DPYSL3: variants seen among roughly 807,000 people sequenced by gnomAD.
DPYSL3 encodes the protein dihydropyrimidinase like 3.
Under a neutral mutation model 66.1 loss-of-function variants are expected in DPYSL3, and 16 were observed. The observed-to-expected ratio is 0.24, with a 90% confidence interval of 0.16 to 0.37. The LOEUF (loss-of-function observed/expected upper bound fraction) is 0.37, where lower values mean the gene tolerates loss of function less well. Among genes scored for constraint, DPYSL3 ranks in the 10% least tolerant of loss-of-function variants. The pLI is 1.00. For synonymous variants in DPYSL3, 338 were observed against 345.1 expected (o/e 0.98, Z 0.23); for missense variants, 738 against 916.2 (o/e 0.81, Z 2.51).
At chr5:147,481,556 G>C (rs754464534) in intron 1 of DPYSL3, among the ~76,000 whole-genome samples, 1 of 152,226 alleles carries the variant, frequency 6.6e-6, no homozygotes. Flanking sequence ...CAAAAGGCTT[G>C]CTGTGGTTTG....
At chr5:147,505,022 G>C (rs375043681) in intron 1 of DPYSL3, among the ~76,000 whole-genome samples, 12 of 152,266 alleles carry the variant, frequency 7.9e-5, no homozygotes, top group African/African-American at 2.6e-4. Flanking sequence ...ACTTAGAATT[G>C]CTTTTCTATG....
intron 8 of DPYSL3, among the ~76,000 whole-genome samples, chr5:147,402,899 G>T (rs1293024233): frequency 2.0e-5 from 3 of 152,150 alleles, no homozygotes; most frequent in Admixed American, 6.5e-5. Context: ...TAGGTGGTTG[G>T]TACCAAGTTT....
intron 12 of DPYSL3, among the ~76,000 whole-genome samples, chr5:147,396,882 TATAG>T (rs1561769969): frequency 7.3e-6 from 1 of 137,224 alleles, no homozygotes; most frequent in South Asian, 2.4e-4. Context: ...TATATATATA[TATAG>T]TGTGTGTATA....
chr5:147,440,494 C>T (rs1416586162), intron 1 of DPYSL3, among the ~76,000 whole-genome samples: 1 of 152,196 alleles, frequency 6.6e-6, no homozygotes, highest in Non-Finnish European at 1.5e-5. Flanking sequence ...TTAGCAAATG[C>T]AACCTAGTGA....
chr5:147,403,068 T>C (rs1228881658), intron 8 of DPYSL3, among the ~76,000 whole-genome samples: 1 of 152,182 alleles, frequency 6.6e-6, no homozygotes, highest in East Asian at 1.9e-4. Flanking sequence ...CAACTGGTAA[T>C]AGTTGCCTAG....
intron 13 of DPYSL3, among the ~76,000 whole-genome samples, chr5:147,394,331 C>T (rs1331211081): frequency 6.6e-6 from 1 of 152,158 alleles, no homozygotes; most frequent in African/African-American, 2.4e-5. Context: ...TAGGAAAAGC[C>T]AAGTTCTTAT....
chr5:147,487,599 A>C (rs1327436024), intron 1 of DPYSL3, among the ~76,000 whole-genome samples: 8 of 152,204 alleles, frequency 5.3e-5, no homozygotes, highest in Admixed American at 5.2e-4. Context: ...TTTGTTTTAA[A>C]TAAAGTTTTA....
chr5:147,498,750 A>C (rs1029960745), intron 1 of DPYSL3, among the ~76,000 whole-genome samples: 1 of 151,794 alleles, frequency 6.6e-6, no homozygotes, highest in Non-Finnish European at 1.5e-5. Context: ...TTGAAAGTGT[A>C]ATAGACATGA....
intron 1 of DPYSL3, among the ~76,000 whole-genome samples, chr5:147,439,820 A>G (rs1474758438): frequency 6.6e-6 from 1 of 152,182 alleles, no homozygotes; most frequent in Non-Finnish European, 1.5e-5. Context: ...CTGGGACTCG[A>G]TCCCAGTATC....
At position 147,505,328 on chromosome 5, in the gene DPYSL3, G is replaced by A. The variant is rs140579786; in HGVS notation, c.381+4150C>T. ...TGGCTCACTGCAACCTCCACCTCCC[G>A]GGTTCAAGCGATTCTCCTGCCTCAG... is the stretch of plus-strand genomic sequence containing the variant. On this transcript the variant is annotated intron_variant, in intron 1 of 13. Transcript: ENST00000343218. Among the ~76,000 whole-genome samples, 156 of 148,754 alleles carry A rather than the reference G, an allele frequency of 1.0e-3. 6 individuals are homozygous for A. The East Asian group carries it at 0.032, about 30-fold the overall frequency.
intron 1 of DPYSL3, among the ~76,000 whole-genome samples, chr5:147,494,343 ATTTCT>A: frequency 6.6e-6 from 1 of 152,106 alleles, no homozygotes; most frequent in Non-Finnish European, 1.5e-5. Context: ...AGAAGAAAAG[ATTTCT>A]TTTCTTTTTA....
At chr5:147,433,864 T>C (rs1752360747) in intron 1 of DPYSL3, among the ~76,000 whole-genome samples, 1 of 151,998 alleles carries the variant, frequency 6.6e-6, no homozygotes, top group Non-Finnish European at 1.5e-5. Flanking sequence ...AAACCCCGTC[T>C]CTACTAAAAA....
At chr5:147,441,779 T>C (rs889919344) in intron 1 of DPYSL3, among the ~76,000 whole-genome samples, 7 of 152,212 alleles carry the variant, frequency 4.6e-5, no homozygotes, top group Non-Finnish European at 5.9e-5. Context: ...TTTCTCTTCC[T>C]GCCCCTAGCC....
intron 1 of DPYSL3, among the ~76,000 whole-genome samples, chr5:147,462,390 C>A (rs1486178137): frequency 6.6e-6 from 1 of 152,040 alleles, no homozygotes; most frequent in African/African-American, 2.4e-5. Flanking sequence ...TTATTGATAA[C>A]ATCATGAAAA....
chr5:147,425,956 G>A (rs1752188246), intron 1 of DPYSL3, among the ~76,000 whole-genome samples: 4 of 151,962 alleles, frequency 2.6e-5, no homozygotes, highest in Admixed American at 2.0e-4. Context: ...ATGAGAGGGT[G>A]GACTTTGTGA....
At chr5:147,499,668 G>C (rs1223825675) in intron 1 of DPYSL3, among the ~76,000 whole-genome samples, 1 of 152,102 alleles carries the variant, frequency 6.6e-6, no homozygotes, top group African/African-American at 2.4e-5. Flanking sequence ...TTCCAATCAA[G>C]ATTCTAGCAC....
intron 8 of DPYSL3, among the ~76,000 whole-genome samples, chr5:147,403,476 T>C (rs993136945): frequency 1.3e-5 from 2 of 152,208 alleles, no homozygotes; most frequent in East Asian, 1.9e-4. Flanking sequence ...CCTGGACAAG[T>C]TGTGCTGCAA....
At chr5:147,432,374 A>C (rs753763318) in intron 1 of DPYSL3, among the ~76,000 whole-genome samples, 45 of 152,180 alleles carry the variant, frequency 3.0e-4, no homozygotes, top group Non-Finnish European at 5.7e-4. Context: ...GAACTGGAGA[A>C]TCAAAGCCAG....
chr5:147,499,203 C>A (rs544425833), intron 1 of DPYSL3, among the ~76,000 whole-genome samples: 55 of 152,202 alleles, frequency 3.6e-4, no homozygotes, highest in African/African-American at 1.3e-3. Context: ...AAGAAACAAA[C>A]TGTATTTCTT....
Sources: allele counts gnomAD v4.1 joint callset (sites outside exome capture counted in the v4.1 genomes callset), GRCh38; gene constraint gnomAD v4.1.1; transcripts MANE v1.5; gene names NCBI Gene and HGNC (gene_info 2026-07-23, HGNC 2026-07-21).